HLCS: variants seen among roughly 807,000 people sequenced by gnomAD.
HLCS encodes holocarboxylase synthetase, also known as biotin--protein ligase.
A neutral mutation model predicts 75.0 loss-of-function variants in HLCS; 53 were observed. The observed-to-expected ratio is 0.71, with a 90% CI of 0.57 to 0.89. HLCS has a LOEUF of 0.89. Ranked by LOEUF, HLCS falls within the 40% of genes least tolerant of loss-of-function variation. HLCS has a pLI of 0.00. For missense variants in HLCS, 966 were observed against 1,074.0 expected (o/e 0.90, Z 1.41); for synonymous variants, 431 against 428.6 (o/e 1.01, Z -0.07).
Position 36,987,274 on chromosome 21 carries a change from T to TC in HLCS, c.-393+2883dup, listed in dbSNP as rs201338684. Among the ~76,000 whole-genome samples, 1,422 of 152,250 alleles carry TC rather than the reference T, an allele frequency of 9.3e-3. 24 individuals are homozygous for TC. Among genetic ancestry groups the TC allele is most frequent in the African/African-American group, 0.033 (1,362 of 41,540 alleles). ...CTCATTGCTACTTGGGTGGCCCTGC[T>TC]CCCCAGCTCTCTCAGCAGACAGATC... On this transcript the variant is annotated intron_variant, in intron 1 of 11. Transcript: ENST00000336648.
intron 6 of HLCS, among the ~76,000 whole-genome samples, chr21:36,832,825 C>T (rs1459235081): frequency 6.6e-6 from 1 of 152,138 alleles, no homozygotes; most frequent in Non-Finnish European, 1.5e-5. Context: ...AAGGATGTTC[C>T]CTCCAAAGGC....
intron 6 of HLCS, among the ~76,000 whole-genome samples, chr21:36,866,918 G>A (rs909407781): frequency 1.3e-5 from 2 of 149,924 alleles, no homozygotes; most frequent in Admixed American, 6.6e-5. Flanking sequence ...TTATGCTAGT[G>A]CTCATTTTTT....
At chr21:36,799,066 A>G (rs1427124986) in intron 6 of HLCS, among the ~76,000 whole-genome samples, 1 of 152,086 alleles carries the variant, frequency 6.6e-6, no homozygotes, top group African/African-American at 2.4e-5. Flanking sequence ...TTTATAGTTC[A>G]TGCTTTTTGT....
chr21:36,779,639 TAC>T (rs2060468154), intron 6 of HLCS, among the ~76,000 whole-genome samples: 1 of 152,262 alleles, frequency 6.6e-6, no homozygotes, highest in African/African-American at 2.4e-5. Flanking sequence ...AATATTTGTT[TAC>T]AGTTTTTTTT....
At chr21:36,987,583 A>G (rs1485138705) in intron 1 of HLCS, among the ~76,000 whole-genome samples, 1 of 152,224 alleles carries the variant, frequency 6.6e-6, no homozygotes, top group Non-Finnish European at 1.5e-5. Flanking sequence ...ACTGCACTCC[A>G]GCCTGGGCAA....
At chr21:36,827,365 T>C (rs1309056715) in intron 6 of HLCS, among the ~76,000 whole-genome samples, 1 of 151,624 alleles carries the variant, frequency 6.6e-6, no homozygotes, top group Admixed American at 6.6e-5. Context: ...GGTCAGGAGT[T>C]CAAGACCAGC....
At position 36,933,697 on chromosome 21, in the gene HLCS, G is replaced by A. The variant is rs139144037; in HGVS notation, c.1437+2752C>T. Among the ~76,000 whole-genome samples, 111 of 151,950 alleles carry A rather than the reference G, an allele frequency of 7.3e-4. 2 individuals are homozygous for A. In the South Asian group the frequency reaches 0.016, roughly 22 times the overall value. On this transcript the variant is annotated intron_variant, in intron 4 of 10. Coordinates refer to ENST00000674895, the MANE Select transcript of HLCS (RefSeq NM_001352514.2). ...ACCCGTTTAATTCACTTGAGCACAC[G>A]GCTATCCCGGAGATTAACCCTTACA... is the stretch of plus-strand genomic sequence containing the variant.
At chr21:36,897,456 C>T (rs1208927800) in intron 5 of HLCS, among the ~76,000 whole-genome samples, 1 of 152,170 alleles carries the variant, frequency 6.6e-6, no homozygotes, top group Non-Finnish European at 1.5e-5. Context: ...AGTAGTTCTC[C>T]AGTCCTCCGT....
intron 6 of HLCS, among the ~76,000 whole-genome samples, chr21:36,786,165 G>A (rs566393015): frequency 1.4e-4 from 22 of 152,198 alleles, no homozygotes; most frequent in Admixed American, 9.8e-4. Context: ...TTCCTGCTCC[G>A]TTAAAAAGAA....
chr21:36,894,846 GTTT>G (rs11418922), intron 6 of HLCS, among the ~76,000 whole-genome samples: 1 of 147,368 alleles, frequency 6.8e-6, no homozygotes. Flanking sequence ...TAAGGCAGAG[GTTT>G]TTTTTTTTTT....
chr21:36,919,426 G>A (rs1457768162), intron 5 of HLCS, among the ~76,000 whole-genome samples: 1 of 152,214 alleles, frequency 6.6e-6, no homozygotes, highest in African/African-American at 2.4e-5. Flanking sequence ...TCCGAGATAT[G>A]GTTGTTATGT....
intron 2 of HLCS, among the ~76,000 whole-genome samples, chr21:36,954,730 T>G (rs1601864790): frequency 7.2e-6 from 1 of 139,238 alleles, no homozygotes; most frequent in Non-Finnish European, 1.6e-5. Context: ...TAGAGTGTAC[T>G]CCTTCTACTT....
Position 36,876,728 on chromosome 21 carries a change from G to A in HLCS, c.1892+20132C>T, listed in dbSNP as rs79065141. On this transcript the variant is annotated intron_variant, in intron 6 of 10. Transcript: ENST00000674895. ...ACTTGAAACAAGGTGAGTTTGGCAA[G>A]GTATAGTGTTCTGGAAGTATTAGGT... 9.6e-3 allele frequency among the ~76,000 whole-genome samples: 1,455 copies of A among 152,266 alleles called. 8 individuals carry two copies. Among genetic ancestry groups the A allele is most frequent in the Non-Finnish European group, 0.014 (961 of 68,028 alleles).
intron 9 of HLCS, 33 bp downstream of exon 9, chr21:36,759,693 TA>T: frequency 8.1e-7 from 1 of 1,235,888 alleles, no homozygotes; most frequent in Non-Finnish European, 1.2e-6. Context: ...TTTATTAATC[TA>T]AAAATGCTGG....
intron 6 of HLCS, among the ~76,000 whole-genome samples, chr21:36,847,542 T>C (rs538938324): frequency 1.1e-3 from 172 of 151,946 alleles, no homozygotes; most frequent in Non-Finnish European, 1.7e-3. Flanking sequence ...TAAGGTACTG[T>C]CAATTAAAAA....
At chr21:36,983,569 G>A (rs2069167342) in intron 1 of HLCS, among the ~76,000 whole-genome samples, 1 of 151,888 alleles carries the variant, frequency 6.6e-6, no homozygotes, top group Non-Finnish European at 1.5e-5. Context: ...CGGGCGCAGT[G>A]GCTCACGCCT....
In HLCS at chr21:36,765,298, C is replaced by T. The variant is rs1278578384; in HGVS notation, c.1961-126G>A. ...TTACAATGCTTATTGTATTACAACGCTTATTATATTCTGGGCTTAATAAAA... is the reference window on the plus strand; with the variant it reads ...TTACAATGCTTATTGTATTACAACGTTTATTATATTCTGGGCTTAATAAAA... On this transcript the variant is annotated intron_variant, in intron 7 of 10. Coordinates refer to ENST00000674895, the MANE Select transcript of HLCS (RefSeq NM_001352514.2). The T allele has an allele frequency of 9.9e-6, 9 of 911,210 alleles. No homozygotes were observed. The South Asian group carries it at 1.1e-4, about 11-fold the overall frequency. 56.4% of individuals were successfully genotyped at this position (911,210 alleles called of 1,614,324 possible).
chr21:36,789,397 T>G (rs1038146471), intron 6 of HLCS, among the ~76,000 whole-genome samples: 1 of 152,230 alleles, frequency 6.6e-6, no homozygotes, highest in Non-Finnish European at 1.5e-5. Flanking sequence ...TAGTTCTACT[T>G]ATTTTAAATA....
rs139544282 is a variant in HLCS, at chr21:36,912,988, C to T, written c.1621-15857G>A. On this transcript the variant is annotated intron_variant, in intron 5 of 10. Coordinates refer to ENST00000674895, the MANE Select transcript of HLCS (RefSeq NM_001352514.2). The stretch of plus-strand genomic sequence containing the variant: ...TGATTTTAAGTTCTGCTTAGGCACC[C>T]ACTTAGCTACAACAAGAGTATGAAA... Among the ~76,000 whole-genome samples, 366 of 152,332 alleles carry T rather than the reference C, an allele frequency of 2.4e-3. 3 individuals carry two copies. Among genetic ancestry groups the T allele is most frequent in the African/African-American group, 8.5e-3 (352 of 41,572 alleles).
Sources: allele counts gnomAD v4.1 joint callset (sites outside exome capture counted in the v4.1 genomes callset), GRCh38; gene constraint gnomAD v4.1.1; transcripts MANE v1.5; gene names NCBI Gene and HGNC (gene_info 2026-07-23, HGNC 2026-07-21).